The following SLC35F3 variants were observed in gnomAD, a reference collection of about 807,000 sequenced individuals.
The protein encoded by SLC35F3 is putative thiamine transporter SLC35F3.
SLC35F3 carries 25 observed loss-of-function variants against 49.9 expected under a neutral mutation model. The ratio of observed to expected loss-of-function variants is 0.50; its 90% CI spans 0.37 to 0.70. SLC35F3 has a LOEUF of 0.70. Among genes scored for constraint, SLC35F3 ranks in the 30% least tolerant of loss-of-function variants. The probability of loss-of-function intolerance (pLI) is 0.00; values close to 1 mark genes in which losing one functional copy is unlikely to be tolerated. For missense variants in SLC35F3, 525 were observed against 639.8 expected (o/e 0.82, Z 1.94); for synonymous variants, 275 against 265.4 (o/e 1.04, Z -0.35).
At chr1:233,914,735 A>G (rs1432892089) in intron 2 of SLC35F3, among the ~76,000 whole-genome samples, 1 of 152,164 alleles carries the variant, frequency 6.6e-6, no homozygotes, top group African/African-American at 2.4e-5. Flanking sequence ...TACTTGTCCC[A>G]CAGCAGGAGG....
chr1:234,155,554 C>T (rs1034317953), intron 2 of SLC35F3, among the ~76,000 whole-genome samples: 1 of 151,750 alleles, frequency 6.6e-6, no homozygotes. Flanking sequence ...GGACTACAGG[C>T]GTGCCTTAAA....
chr1:233,905,187 G>A (rs1661752079), intron 1 of SLC35F3, 57 bp downstream of exon 1: 1 of 1,535,668 alleles, frequency 6.5e-7, no homozygotes. Flanking sequence ...CCGGAGCGCC[G>A]GGGTAGCCCT....
intron 2 of SLC35F3, among the ~76,000 whole-genome samples, chr1:234,129,189 G>A (rs946074873): frequency 2.0e-5 from 3 of 152,090 alleles, no homozygotes; most frequent in Non-Finnish European, 2.9e-5. Flanking sequence ...ACATAAATAG[G>A]CACTTTACAA....
At chr1:233,958,415 A>C (rs1292022551) in intron 2 of SLC35F3, among the ~76,000 whole-genome samples, 3 of 152,226 alleles carry the variant, frequency 2.0e-5, no homozygotes, top group African/African-American at 7.2e-5. Flanking sequence ...GTAGGCAAGT[A>C]GTAAGCATTT....
At chr1:234,106,554 G>C (rs542239112) in intron 2 of SLC35F3, among the ~76,000 whole-genome samples, 1 of 152,186 alleles carries the variant, frequency 6.6e-6, no homozygotes, top group Non-Finnish European at 1.5e-5. Flanking sequence ...TGCACACACA[G>C]AGCCAGCTCT....
chr1:234,118,877 TTTC>T (rs1304157612), intron 2 of SLC35F3, among the ~76,000 whole-genome samples: 1 of 146,286 alleles, frequency 6.8e-6, no homozygotes, highest in Non-Finnish European at 1.5e-5. Context: ...TTTTTCTTTT[TTTC>T]TTTTCTTTTT....
chr1:234,215,242 C>A lies in SLC35F3; in HGVS notation c.284-16175C>A, dbSNP rs778574271. On this transcript the variant is annotated intron_variant, in intron 2 of 7. Coordinates refer to ENST00000366618, the MANE Select transcript of SLC35F3 (RefSeq NM_173508.4). ...GGCCCCCAGAAGGTGTCCTCCTCCC[C>A]GTGTTGTCCTTTCTGCCTGGAACTG... Among the ~76,000 whole-genome samples the A allele has an allele frequency of 2.0e-5, 3 of 152,176 alleles. No individual in the cohort carries two copies. The South Asian group carries it at 6.2e-4, about 32-fold the overall frequency.
chr1:234,193,003 G>A (rs1468521970), intron 2 of SLC35F3, among the ~76,000 whole-genome samples: 1 of 152,112 alleles, frequency 6.6e-6, no homozygotes, highest in Non-Finnish European at 1.5e-5. Context: ...AATCAATATT[G>A]TGAAAATGAC....
Position 234,105,141 on chromosome 1 carries a change from A to C in SLC35F3, c.284-126276A>C, listed in dbSNP as rs553373745. Among the ~76,000 whole-genome samples the C allele has an allele frequency of 1.1e-4, 16 of 152,014 alleles. No individual in the cohort carries two copies. The East Asian group carries it at 2.3e-3, about 22-fold the overall frequency. On this transcript the variant is annotated intron_variant, in intron 2 of 7. Transcript: ENST00000366618. Reference sequence around the variant, plus strand: ...AGACTCCGTTAAAAAAAAAAAAAAAAAACCTTTGGGCTCCAACCCTCTTTG... The same window carrying C: ...AGACTCCGTTAAAAAAAAAAAAAAACAACCTTTGGGCTCCAACCCTCTTTG...
chr1:234,310,917 C>T (rs572316198), intron 4 of SLC35F3, among the ~76,000 whole-genome samples: 38 of 152,238 alleles, frequency 2.5e-4, no homozygotes, highest in Non-Finnish European at 4.1e-4. Flanking sequence ...CCCCTCCAAC[C>T]CCCCACCCAA....
At chr1:234,129,580 C>T (rs1051438310) in intron 2 of SLC35F3, among the ~76,000 whole-genome samples, 1 of 152,154 alleles carries the variant, frequency 6.6e-6, no homozygotes, top group Non-Finnish European at 1.5e-5. Context: ...AGGAGATTGA[C>T]AAACAGATTC....
chr1:234,049,457 A>G (rs990607175), intron 2 of SLC35F3, among the ~76,000 whole-genome samples: 2 of 152,062 alleles, frequency 1.3e-5, no homozygotes, highest in Non-Finnish European at 2.9e-5. Flanking sequence ...CCAGCCATTT[A>G]CAAGTTAGGA....
At chr1:234,066,407 C>T (rs1006443305) in intron 2 of SLC35F3, among the ~76,000 whole-genome samples, 1 of 152,094 alleles carries the variant, frequency 6.6e-6, no homozygotes, top group Non-Finnish European at 1.5e-5. Context: ...GCCCCAACTA[C>T]GCTGGCCTCA....
In SLC35F3 at chr1:234,135,248, T is replaced by C. The variant is rs559108413; in HGVS notation, c.284-96169T>C. On this transcript the variant is annotated intron_variant, in intron 2 of 7. Coordinates refer to ENST00000366618, the MANE Select transcript of SLC35F3 (RefSeq NM_173508.4). ...AGTGAATGATTAGTAGCACAAAGAA[T>C]TGACAAGTGCTTGAGGTAATAGATA... 1.3e-4 allele frequency among the ~76,000 whole-genome samples: 20 copies of C among 152,272 alleles called. No homozygotes were observed. In the South Asian group the frequency reaches 3.5e-3, roughly 27 times the overall value.
intron 2 of SLC35F3, among the ~76,000 whole-genome samples, chr1:233,916,981 T>C (rs1157454078): frequency 6.6e-6 from 1 of 152,234 alleles, no homozygotes; most frequent in African/African-American, 2.4e-5. Context: ...TCCTTCTTCA[T>C]TCAGTCATCA....
chr1:233,923,336 T>G (rs1662100204), intron 2 of SLC35F3, among the ~76,000 whole-genome samples: 1 of 152,364 alleles, frequency 6.6e-6, no homozygotes, highest in Non-Finnish European at 1.5e-5. Context: ...AGCAGTGCTT[T>G]GTAGTTCTCC....
In SLC35F3 at chr1:234,217,246, G is replaced by T. The variant is rs542891763; in HGVS notation, c.284-14171G>T. On this transcript the variant is annotated intron_variant, in intron 2 of 7. Coordinates refer to ENST00000366618, the MANE Select transcript of SLC35F3 (RefSeq NM_173508.4). ...TACATATAAAACCAAAATAGAAAAG[G>T]CAAAGCTTGGTTAAACTCAAACACA... Among the ~76,000 whole-genome samples the T allele has an allele frequency of 3.4e-4, 52 of 152,270 alleles. No individual in the cohort carries two copies. In the South Asian group the frequency reaches 7.1e-3, roughly 21 times the overall value.
At chr1:233,977,101 C>T (rs1663105209) in intron 2 of SLC35F3, among the ~76,000 whole-genome samples, 1 of 152,178 alleles carries the variant, frequency 6.6e-6, no homozygotes. Flanking sequence ...GCATGCCCTT[C>T]AGGTTAGCTC....
chr1:233,993,025 C>G (rs4285771), intron 2 of SLC35F3, among the ~76,000 whole-genome samples: 1 of 151,992 alleles, frequency 6.6e-6, no homozygotes, highest in East Asian at 1.9e-4. Context: ...TTGAAATGCC[C>G]GTGCCTTGCC....
Sources: gnomAD v4.1 joint callset for allele counts (sites outside exome capture counted in the v4.1 genomes callset) on GRCh38, gnomAD v4.1.1 for gene constraint, MANE v1.5 for transcripts, NCBI Gene and HGNC (gene_info 2026-07-23, HGNC 2026-07-21) for gene names.